Variants in GRIN3A observed in about 807,000 individuals in gnomAD.
The protein encoded by GRIN3A is glutamate receptor ionotropic, NMDA 3A.
A neutral mutation model predicts 92.4 loss-of-function variants in GRIN3A; 47 were observed. That is an observed-to-expected ratio of 0.51 (90% CI 0.40 to 0.65). GRIN3A has a LOEUF of 0.65. GRIN3A is among the 30% of genes least tolerant of loss of function. The pLI, the probability that GRIN3A is intolerant of heterozygous loss-of-function variation, is 0.00. For synonymous variants in GRIN3A, 527 were observed against 540.6 expected (o/e 0.97, Z 0.35); for missense variants, 1,324 against 1,393.1 (o/e 0.95, Z 0.79).
chr9:101,609,951 G>A (rs1389999712), intron 6 of GRIN3A, among the ~76,000 whole-genome samples: 3 of 152,078 alleles, frequency 2.0e-5, no homozygotes, highest in Non-Finnish European at 2.9e-5. Context: ...TGCCTGCCTT[G>A]GCCTCCCAAA....
At chr9:101,728,798 G>A (rs1049965797) in intron 1 of GRIN3A, among the ~76,000 whole-genome samples, 1 of 152,174 alleles carries the variant, frequency 6.6e-6, no homozygotes, top group African/African-American at 2.4e-5. Flanking sequence ...TATGCATCTA[G>A]AAAGTCCCAT....
At chr9:101,684,194 C>T (rs1402088814) in intron 2 of GRIN3A, among the ~76,000 whole-genome samples, 2 of 151,512 alleles carry the variant, frequency 1.3e-5, no homozygotes, top group African/African-American at 4.9e-5. Context: ...CCTCTGCCTC[C>T]CAGGTTCAAG....
At chr9:101,719,379 A>G (rs557078724) in intron 1 of GRIN3A, among the ~76,000 whole-genome samples, 14 of 150,998 alleles carry the variant, frequency 9.3e-5, no homozygotes, top group African/African-American at 3.2e-4. Context: ...AGATTGCACC[A>G]CTGCACTCCA....
chr9:101,738,288 A>C lies in GRIN3A; in HGVS notation c.-309T>G, dbSNP rs933418194. ...GGAGCGCCCGTTCCCTGCCCGCCCC[A>C]TCTGCAGGGCGCCTCGGGCACTGCG... On this transcript the variant is annotated 5_prime_UTR_variant, in exon 1 of 9. It removes an upstream start codon present in the reference 5' UTR. Coordinates refer to ENST00000361820, the MANE Select transcript of GRIN3A (RefSeq NM_133445.3). The C allele has an allele frequency of 4.8e-6, 2 of 414,972 alleles. No homozygotes were observed. The allele number at this position is 414,972 out of a possible 1,614,324, so 25.7% of individuals were successfully genotyped here.
Position 101,684,270 on chromosome 9 carries a change from A to ATTTT in GRIN3A, c.1304+2322_1304+2325dup, listed in dbSNP as rs3082771. Among the ~76,000 whole-genome samples, 52 of 87,056 alleles carry ATTTT rather than the reference A, an allele frequency of 6.0e-4. No homozygotes were observed. In the East Asian group the frequency reaches 8.1e-3, roughly 14 times the overall value. The allele number at this position is 87,056 out of a possible 152,430, so 57.1% of individuals were successfully genotyped here. On this transcript the variant is annotated intron_variant, in intron 2 of 8. Coordinates refer to ENST00000361820, the MANE Select transcript of GRIN3A (RefSeq NM_133445.3). Reference sequence around the variant, plus strand: ...GTCGCGGTGCCAGCATGCTTAGCTAATTTTTTTTTTTTTTTTTTTTTTTTG... The same window carrying ATTTT: ...GTCGCGGTGCCAGCATGCTTAGCTAATTTTTTTTTTTTTTTTTTTTTTTTTTTTG...
intron 1 of GRIN3A, among the ~76,000 whole-genome samples, chr9:101,717,570 CTT>C (rs1829963108): frequency 6.6e-6 from 1 of 152,190 alleles, no homozygotes; most frequent in Admixed American, 6.5e-5. Context: ...GATCTGAACT[CTT>C]GTCTGATTTC....
chr9:101,649,773 C>A (rs1387914135), intron 3 of GRIN3A, among the ~76,000 whole-genome samples: 1 of 151,888 alleles, frequency 6.6e-6, no homozygotes, highest in Non-Finnish European at 1.5e-5. Context: ...TTCTGTTCTG[C>A]CGTTTTGCTG....
intron 1 of GRIN3A, among the ~76,000 whole-genome samples, chr9:101,710,103 T>C (rs908110545): frequency 1.3e-5 from 2 of 152,090 alleles, no homozygotes; most frequent in African/African-American, 4.8e-5. Flanking sequence ...AATACAGAGA[T>C]TAGATTTGAA....
Position 101,623,395 on chromosome 9 carries a change from T to C in GRIN3A, c.2537A>G (p.Lys846Arg). The C allele has an allele frequency of 1.2e-6, 2 of 1,613,696 alleles. No individual in the cohort carries two copies. Among genetic ancestry groups the C allele is most frequent in the South Asian group, 1.1e-5 (1 of 91,080 alleles). The change falls in exon 5 of 9, where the codon AAA (lysine) becomes AGA (arginine). Residue 846 changes from lysine to arginine, a missense_variant. Physicochemically the swap from Lys to Arg is conservative, Grantham distance 26. Coordinates refer to ENST00000361820, the MANE Select transcript of GRIN3A (RefSeq NM_133445.3). ...TGACACTTCATAATCCAGAAGGGCT[T>C]TGTCCATGATGAAGGCGTCTAGTTT... Reference protein sequence around the residue: ...PEKLDAFIMDKALLDYEVSID... With the variant: ...PEKLDAFIMDRALLDYEVSID...
At chr9:101,580,083 C>T (rs1038435847) in intron 6 of GRIN3A, among the ~76,000 whole-genome samples, 2 of 152,216 alleles carry the variant, frequency 1.3e-5, no homozygotes, top group Non-Finnish European at 2.9e-5. Context: ...AGCTCAACTG[C>T]ACATGTGCAT....
chr9:101,600,179 A>G (rs1828193204), intron 6 of GRIN3A, among the ~76,000 whole-genome samples: 1 of 152,236 alleles, frequency 6.6e-6, no homozygotes, highest in South Asian at 2.1e-4. Context: ...GAGATAGATT[A>G]TAAGAAGAAG....
intron 3 of GRIN3A, among the ~76,000 whole-genome samples, chr9:101,631,399 A>G (rs1828708190): frequency 6.6e-6 from 1 of 152,230 alleles, no homozygotes; most frequent in Non-Finnish European, 1.5e-5. Context: ...ATCATTAATT[A>G]AAATACCTTT....
intron 5 of GRIN3A, among the ~76,000 whole-genome samples, chr9:101,613,877 T>A (rs2118848542): frequency 6.6e-6 from 1 of 152,310 alleles, no homozygotes; most frequent in South Asian, 2.1e-4. Context: ...GAACCCCTCT[T>A]CTGAACCTTA....
At chr9:101,636,762 G>A (rs10989573) in intron 3 of GRIN3A, among the ~76,000 whole-genome samples, 83,682 of 151,990 alleles carry the variant, frequency 0.55, 23,090 homozygotes, top group African/African-American at 0.6. Flanking sequence ...AATAGCCCGT[G>A]ACCTTTGGGT....
chr9:101,685,929 G>A (rs971274160), intron 2 of GRIN3A, among the ~76,000 whole-genome samples: 3 of 151,846 alleles, frequency 2.0e-5, no homozygotes, highest in African/African-American at 7.3e-5. Flanking sequence ...AGGAAATTAA[G>A]GCTCAGAGAA....
At chr9:101,606,393 G>T (rs1353965240) in intron 6 of GRIN3A, among the ~76,000 whole-genome samples, 1 of 152,140 alleles carries the variant, frequency 6.6e-6, no homozygotes, top group African/African-American at 2.4e-5. Flanking sequence ...TTCCCTGGGT[G>T]TCTTCCAGGC....
At chr9:101,705,996 A>G (rs901531509) in intron 1 of GRIN3A, among the ~76,000 whole-genome samples, 2 of 152,210 alleles carry the variant, frequency 1.3e-5, no homozygotes, top group Non-Finnish European at 2.9e-5. Flanking sequence ...AGACTGTTAA[A>G]AAAAACGAGA....
Position 101,628,264 on chromosome 9 carries a change from C to T in GRIN3A, c.2490G>A (p.Glu830=), listed in dbSNP as rs1392739102. 1.9e-6 allele frequency: 3 copies of T among 1,613,802 alleles called. No individual in the cohort carries two copies. The highest frequency in any genetic ancestry group is 1.3e-5 in the African/African-American group (1 of 74,926). Reference sequence around the variant, plus strand: ...AAGAGGTTGACACTCACTTCAGATACTCCACTCCATCAGGGGTGGCTGGAA... The same window carrying T: ...AAGAGGTTGACACTCACTTCAGATATTCCACTCCATCAGGGGTGGCTGGAA... ...YNVPATPDGV[E]YLKNDPEKLD... is the part of the protein sequence containing the mutation. The change falls in exon 4 of 9, where the codon GAG becomes GAA. Residue 830 remains glutamate (E), a synonymous_variant. Coordinates refer to ENST00000361820, the MANE Select transcript of GRIN3A (RefSeq NM_133445.3).
At chr9:101,654,901 C>G (rs545661594) in intron 3 of GRIN3A, among the ~76,000 whole-genome samples, 1 of 151,842 alleles carries the variant, frequency 6.6e-6, no homozygotes, top group South Asian at 2.1e-4. Context: ...GACTTGTCTG[C>G]TATTGTATTC....
Sources: allele counts gnomAD v4.1 joint callset (sites outside exome capture counted in the v4.1 genomes callset), GRCh38; gene constraint gnomAD v4.1.1; transcripts MANE v1.5; gene names NCBI Gene and HGNC (gene_info 2026-07-23, HGNC 2026-07-21).